Variants in NUP62 observed in about 807,000 individuals in gnomAD.
NUP62 encodes nucleoporin 62, also known as nuclear pore glycoprotein p62.
For missense variants in NUP62, 647 were observed against 689.4 expected, an observed-to-expected ratio of 0.94 and a Z score of 0.69; for synonymous variants, 305 against 303.4, an observed-to-expected ratio of 1.01 and a Z score of -0.05.
At chr19:49,919,101 C>T (rs868534273) in intron 2 of NUP62, among the ~76,000 whole-genome samples, 3 of 151,800 alleles carry the variant, frequency 2.0e-5, no homozygotes, top group South Asian at 2.1e-4. Context: ...TGCAGTGAGC[C>T]GAGATCACAC....
intron 2 of NUP62, among the ~76,000 whole-genome samples, chr19:49,922,399 G>A (rs887229864): frequency 1.3e-5 from 2 of 152,030 alleles, no homozygotes; most frequent in African/African-American, 4.8e-5. Flanking sequence ...GATTCTTTAG[G>A]CCTCCTCCTC....
rs1298023406 is a variant in NUP62, at chr19:49,921,201, A to G, written c.-78+6493T>C. Reference sequence around the variant, plus strand: ...ACGAAGCGAAACTATCATGGCTCCCATTTATAAATGAGCAAACTGAGAAAG... The same window carrying G: ...ACGAAGCGAAACTATCATGGCTCCCGTTTATAAATGAGCAAACTGAGAAAG... On this transcript the variant is annotated intron_variant, in intron 2 of 2. Transcript: ENST00000352066. The surrounding 1 kb of genome is among the most constrained non-coding windows in gnomAD (Gnocchi z 5.4). 2.0e-5 allele frequency among the ~76,000 whole-genome samples: 3 copies of G among 152,100 alleles called. No individual in the cohort carries two copies. Among genetic ancestry groups the G allele is most frequent in the Admixed American group, 1.3e-4 (2 of 15,274 alleles).
Position 49,908,033 on chromosome 19 carries a change from C to T in NUP62, c.*206G>A, listed in dbSNP as rs2075362458. ...TCAAATGAAAGCCACAGAAGCCACA[C>T]CCATGAGGCTGCTGCCTGGGCAGAA... On this transcript the variant is annotated 3_prime_UTR_variant, in exon 3 of 3. Coordinates refer to ENST00000352066, the MANE Select transcript of NUP62 (RefSeq NM_016553.5). 2 of 1,108,074 alleles carry T rather than the reference C, an allele frequency of 1.8e-6. No homozygotes were observed. The highest frequency in any genetic ancestry group is 3.3e-5 in the South Asian group (2 of 59,884). 68.6% of individuals were successfully genotyped at this position (1,108,074 alleles called of 1,614,324 possible). A position where few individuals can be genotyped will look rare whatever the true frequency, so the allele number is the denominator to read the frequency against.
rs999583 is a variant in NUP62 at position 49,909,160 on chromosome 19, G to A, written c.648C>T (p.Ser216=). ...AAPTPTATIT[S]TGPSLFASIA... is the part of the protein sequence containing the mutation. ...TTGACGCAAAGAGGCTGGGCCCAGTGCTGGTGATGGTGGCTGTGGGTGTGG... is the reference window on the plus strand; with the variant it reads ...TTGACGCAAAGAGGCTGGGCCCAGTACTGGTGATGGTGGCTGTGGGTGTGG... Residue 216 remains serine (S), a synonymous_variant, in exon 3 of 3, where the codon AGC becomes AGT. Transcript: ENST00000352066. 1,237,763 of 1,613,498 alleles carry A rather than the reference G, an allele frequency of 0.77. 477,475 individuals are homozygous for A. The highest frequency in any genetic ancestry group is 0.96 in the East Asian group (42,920 of 44,864).
chr19:49,928,421 G>A (rs2075962968), intron 1 of NUP62: 1 of 151,972 alleles, frequency 6.6e-6, no homozygotes, highest in South Asian at 2.1e-4. Flanking sequence ...GGAGGCTGAG[G>A]CAGGAGAATG....
In NUP62 at chr19:49,909,859, C is replaced by CG; in HGVS notation, c.-53dup. ...ACTCTGGCTCCCAAAGCAAATCCGT[C>CG]GGTGTCTGCAGCCTTGGGAAGATTT... On this transcript the variant is annotated 5_prime_UTR_variant, in exon 3 of 3. Coordinates refer to ENST00000352066, the MANE Select transcript of NUP62 (RefSeq NM_016553.5). 3 of 1,580,970 alleles carry CG rather than the reference C, an allele frequency of 1.9e-6. No individual in the cohort carries two copies. Among genetic ancestry groups the CG allele is most frequent in the Non-Finnish European group, 8.7e-7 (1 of 1,152,228 alleles).
At chr19:49,919,774 G>C (rs2075719322) in intron 2 of NUP62, among the ~76,000 whole-genome samples, 8 of 147,528 alleles carry the variant, frequency 5.4e-5, no homozygotes, top group Admixed American at 4.8e-4. Flanking sequence ...AGATTTTAAG[G>C]AAGATTCTAG....
rs1017109689 is a variant in NUP62, at chr19:49,909,765, C to T, written c.43G>A (p.Gly15Arg). The change falls in exon 3 of 3, where the codon GGG becomes AGG. Residue 15 changes from glycine (G) to arginine (R), a missense_variant. Transcript: ENST00000352066. ...GTCTTTGCAGTGCCAAACGTGAACC[C>T]GCCTGTAGGGGCCCCAGTGCCTCCA... ...NFGGTGAPTGGFTFGTAKTAT... is the reference protein window; with the variant it reads ...NFGGTGAPTGRFTFGTAKTAT... 7 of 1,614,026 alleles carry T rather than the reference C, an allele frequency of 4.3e-6. No homozygotes were observed. The highest frequency in any genetic ancestry group is 4.0e-5 in the African/African-American group (3 of 74,906).
At chr19:49,912,421 G>A (rs558238823) in intron 2 of NUP62, among the ~76,000 whole-genome samples, 59 of 152,164 alleles carry the variant, frequency 3.9e-4, no homozygotes, top group Middle Eastern at 6.8e-3. Flanking sequence ...CGCTTGCCTC[G>A]GCCTCCCAAA....
chr19:49,915,421 G>C (rs1379145635), intron 2 of NUP62, among the ~76,000 whole-genome samples: 1 of 152,212 alleles, frequency 6.6e-6, no homozygotes, highest in Non-Finnish European at 1.5e-5. Flanking sequence ...AAGGAACACA[G>C]GCGGCTTCGG....
In NUP62 at chr19:49,909,740, G is replaced by A. The variant is rs371157888; in HGVS notation, c.68C>T (p.Thr23Met). The A allele has an allele frequency of 8.7e-6, 14 of 1,613,990 alleles. No homozygotes were observed. The highest frequency in any genetic ancestry group is 2.2e-5 in the East Asian group (1 of 44,892). ...TGGFTFGTAK[T>M]ATTTPATGFS... Reference sequence around the variant, plus strand: ...CCCTGTAGCAGGTGTGGTTGTTGCCGTCTTTGCAGTGCCAAACGTGAACCC... The same window carrying A: ...CCCTGTAGCAGGTGTGGTTGTTGCCATCTTTGCAGTGCCAAACGTGAACCC... Residue 23 changes from threonine to methionine, a missense_variant, in exon 3 of 3, where the codon ACG becomes ATG. By Grantham distance (81) the Thr-to-Met change is moderately conservative (BLOSUM62 -1). Coordinates refer to ENST00000352066, the MANE Select transcript of NUP62 (RefSeq NM_016553.5).
At position 49,907,710 on chromosome 19, in the gene NUP62, A is replaced by AT. The variant is rs2075355612; in HGVS notation, c.*528dup. 2.9e-6 allele frequency: 1 copy of AT among 343,768 alleles called. No homozygotes were observed. The highest frequency in any genetic ancestry group is 2.2e-5 in the African/African-American group (1 of 45,478). The allele number at this position is 343,768 out of a possible 1,614,324, so 21.3% of individuals were successfully genotyped here. The stretch of plus-strand genomic sequence containing the variant: ...TCCACCACACCTGACTAATTTTTGT[A>AT]TTTTTAGTAGAGACGGGGTTTCACC... On this transcript the variant is annotated 3_prime_UTR_variant, in exon 3 of 3. Coordinates refer to ENST00000352066, the MANE Select transcript of NUP62 (RefSeq NM_016553.5).
intron 2 of NUP62, among the ~76,000 whole-genome samples, chr19:49,924,869 G>A (rs575169107): frequency 9.8e-5 from 15 of 152,300 alleles, no homozygotes; most frequent in Non-Finnish European, 2.1e-4. Flanking sequence ...GCAAAACGGT[G>A]GGGAGGGGAA....
rs182442325 is a variant in NUP62 at position 49,927,686 on chromosome 19, G to A, written c.-78+8C>T. On this transcript the variant is annotated splice_region_variant and intron_variant, in intron 2 of 2. Transcript: ENST00000352066. ...CAGGTAAGGAAGGAGAAAGAAGCTT[G>A]TGTGTACCGCTCAGTATCAGGATTC... 4.4e-3 allele frequency: 675 copies of A among 152,376 alleles called. 3 individuals carry two copies. The highest frequency in any genetic ancestry group is 7.8e-3 in the Non-Finnish European group (533 of 68,046). The allele number at this position is 152,376 out of a possible 1,614,324, so 9.4% of individuals were successfully genotyped here. A position where few individuals can be genotyped will look rare whatever the true frequency, so the allele number is the denominator to read the frequency against.
intron 2 of NUP62, among the ~76,000 whole-genome samples, chr19:49,924,665 C>T (rs2075842503): frequency 6.6e-6 from 1 of 152,196 alleles, no homozygotes. Flanking sequence ...GGAATGTGCA[C>T]ACGAGGGGAC....
Position 49,921,318 on chromosome 19 carries a change from G to T in NUP62, c.-78+6376C>A, listed in dbSNP as rs1377577672. Among the ~76,000 whole-genome samples the T allele has an allele frequency of 6.6e-6, 1 of 152,022 alleles. No individual in the cohort carries two copies. Among genetic ancestry groups the T allele is most frequent in the Non-Finnish European group, 1.5e-5 (1 of 68,004 alleles). ...CCACAGCTGAGCTCCTAACCGCACC[G>T]AGCCTCTCCAAAACATGGTCTTTTT... On this transcript the variant is annotated intron_variant, in intron 2 of 2. Transcript: ENST00000352066. This position sits in a 1 kb window ranked among gnomAD's most constrained non-coding sequence, Gnocchi z 5.4.
rs993455649 is a variant in NUP62 at position 49,908,632 on chromosome 19, C to G, written c.1176G>C (p.Glu392Asp). The stretch of plus-strand genomic sequence containing the variant: ...TCTGCTGGGACAGGATGAAGTCGAG[C>G]TCCTGGTCCAGCCTCTTCTGGTCCA... Reference protein sequence around the residue: ...VKLDQKRLDQELDFILSQQKE... With the variant: ...VKLDQKRLDQDLDFILSQQKE... The change falls in exon 3 of 3, where the codon GAG (glutamate) becomes GAC (aspartate). Residue 392 changes from glutamate (E) to aspartate (D), a missense_variant. Physicochemically the swap from Glu to Asp is conservative, Grantham distance 45. Coordinates refer to ENST00000352066, the MANE Select transcript of NUP62 (RefSeq NM_016553.5). The G allele has an allele frequency of 3.1e-6, 5 of 1,613,258 alleles. No individual in the cohort carries two copies. In the Admixed American group the frequency reaches 8.3e-5, roughly 27 times the overall value.
chr19:49,925,354 G>A (rs2075861132), intron 2 of NUP62, among the ~76,000 whole-genome samples: 1 of 151,670 alleles, frequency 6.6e-6, no homozygotes, highest in South Asian at 2.1e-4. Context: ...TTGGGAGGGT[G>A]AGGCAGGAGG....
chr19:49,926,524 T>C (rs1306253423), intron 2 of NUP62, among the ~76,000 whole-genome samples: 2 of 145,064 alleles, frequency 1.4e-5, no homozygotes, highest in Non-Finnish European at 1.5e-5. Flanking sequence ...AGCAAGACTC[T>C]GTCTCAAAAA....
Sources: allele counts gnomAD v4.1 joint callset (sites outside exome capture counted in the v4.1 genomes callset), GRCh38; gene constraint gnomAD v4.1.1; non-coding constraint Gnocchi (gnomAD v3.1); transcripts MANE v1.5; gene names NCBI Gene and HGNC (gene_info 2026-07-23, HGNC 2026-07-21).